The following GLRA2 variants were observed in gnomAD, a reference collection of about 807,000 sequenced individuals.
The protein encoded by GLRA2 is glycine receptor alpha 2.
GLRA2 carries 11 observed loss-of-function variants against 31.6 expected under a neutral mutation model. That is an observed-to-expected ratio of 0.35 (90% CI 0.22 to 0.58). The LOEUF (loss-of-function observed/expected upper bound fraction) is 0.58. GLRA2 is among the 20% of genes least tolerant of loss of function. GLRA2 has a pLI of 0.84. For missense variants in GLRA2, 212 were observed against 351.8 expected, an observed-to-expected ratio of 0.60 and a Z score of 3.18; for synonymous variants, 132 against 134.0, an observed-to-expected ratio of 0.99 and a Z score of 0.10.
intron 7 of GLRA2, among the ~76,000 whole-genome samples, chrX:14,674,501 A>G (rs1313940442): frequency 9.0e-6 from 1 of 111,389 alleles, no homozygotes; most frequent in East Asian, 2.8e-4. Flanking sequence ...CAATCTGCCA[A>G]ATGAGTGTTA....
At chrX:14,521,622 A>G in the GLRA2 span, among the ~76,000 whole-genome samples, 1 of 111,586 alleles carries the variant, frequency 9.0e-6, no homozygotes, top group African/African-American at 3.3e-5. Flanking sequence ...CTTAGTCTCC[A>G]TAAGTGCATG....
intron 8 of GLRA2, among the ~76,000 whole-genome samples, chrX:14,704,193 T>C (rs1197210983): frequency 8.9e-6 from 1 of 112,402 alleles, no homozygotes; most frequent in Non-Finnish European, 1.9e-5. Flanking sequence ...AAAATATTTC[T>C]GTGCTGCTGA....
intron 4 of GLRA2, among the ~76,000 whole-genome samples, chrX:14,582,209 C>A (rs1233478852): frequency 1.7e-5 from 1 of 59,672 alleles, no homozygotes; most frequent in Admixed American, 1.4e-4. Context: ...CCAATGCTAT[C>A]CCTCCCCCTC....
intron 4 of GLRA2, among the ~76,000 whole-genome samples, chrX:14,588,741 C>T (rs964409340): frequency 9.0e-6 from 1 of 111,598 alleles, no homozygotes; most frequent in Non-Finnish European, 1.9e-5. Flanking sequence ...TTAGTTGTGT[C>T]GTCTCTGATT....
intron 7 of GLRA2, among the ~76,000 whole-genome samples, chrX:14,611,051 C>T (rs2090391697): frequency 8.9e-6 from 1 of 112,275 alleles, no homozygotes; most frequent in Admixed American, 9.4e-5. Context: ...TTTTCTTATG[C>T]TGTTATTAAA....
chrX:14,557,156 C>T (rs1455373748), intron 2 of GLRA2, among the ~76,000 whole-genome samples: 5 of 89,986 alleles, frequency 5.6e-5, no homozygotes, highest in Non-Finnish European at 6.4e-5. Context: ...CGCTCTGTCG[C>T]CCAGGCTGGA....
At chrX:14,596,126 C>T (rs1192265048) in intron 4 of GLRA2, among the ~76,000 whole-genome samples, 3 of 110,819 alleles carry the variant, frequency 2.7e-5, no homozygotes, top group African/African-American at 9.8e-5. Context: ...TGTTGTGGTT[C>T]ATTCAATGCA....
At chrX:14,643,184 T>C (rs1048524332) in intron 7 of GLRA2, among the ~76,000 whole-genome samples, 2 of 111,559 alleles carry the variant, frequency 1.8e-5, no homozygotes, top group African/African-American at 6.5e-5. Context: ...ATAGGAATAA[T>C]AACCTTGGAA....
chrX:14,631,101 A>T (rs1332546844), intron 7 of GLRA2, among the ~76,000 whole-genome samples: 3 of 111,328 alleles, frequency 2.7e-5, no homozygotes, highest in Non-Finnish European at 5.7e-5. Context: ...AAAACATTCA[A>T]ATCATAGCAC....
chrX:14,714,167 G>A (rs945854628), intron 8 of GLRA2, among the ~76,000 whole-genome samples: 1 of 110,062 alleles, frequency 9.1e-6, no homozygotes, highest in Non-Finnish European at 1.9e-5. Context: ...TAGGTGTAGG[G>A]GAGGCTAGAA....
At chrX:14,690,595 TA>T in intron 7 of GLRA2, 114 bp from the exon 8 acceptor site, 1 of 491,100 alleles carries the variant, frequency 2.0e-6, no homozygotes, top group Non-Finnish European at 3.5e-6. Flanking sequence ...CCAAGGAAAT[TA>T]GGTTATTTTG....
the GLRA2 span, among the ~76,000 whole-genome samples, chrX:14,498,762 C>T: frequency 9.0e-6 from 1 of 111,107 alleles, no homozygotes; most frequent in African/African-American, 3.3e-5. Context: ...CTTCATTTCC[C>T]CCCACCCTGT....
chrX:14,649,632 T>C (rs1158423937), intron 7 of GLRA2, among the ~76,000 whole-genome samples: 1 of 112,021 alleles, frequency 8.9e-6, no homozygotes, highest in African/African-American at 3.2e-5. Flanking sequence ...TTTAAATTAA[T>C]TGTATTTTTA....
intron 7 of GLRA2, among the ~76,000 whole-genome samples, chrX:14,615,046 G>A (rs2090440531): frequency 8.9e-6 from 1 of 111,873 alleles, no homozygotes; most frequent in Admixed American, 9.5e-5. Context: ...TCCCTTTAGT[G>A]TAAGGCTTTA....
chrX:14,627,830 TA>T (rs2090605016), intron 7 of GLRA2, among the ~76,000 whole-genome samples: 2 of 112,067 alleles, frequency 1.8e-5, no homozygotes, highest in Non-Finnish European at 3.8e-5. Context: ...AAAGAGTTCT[TA>T]AAAAATGAAT....
chrX:14,483,008 C>G, the GLRA2 span, among the ~76,000 whole-genome samples: 1 of 111,518 alleles, frequency 9.0e-6, no homozygotes, highest in Non-Finnish European at 1.9e-5. Context: ...CTAAATGTTC[C>G]TGACTTGGTA....
chrX:14,657,109 T>G (rs923702742), intron 7 of GLRA2, among the ~76,000 whole-genome samples: 1 of 111,946 alleles, frequency 8.9e-6, no homozygotes. Context: ...AGGGTGGTTG[T>G]AGTAGCATTC....
chrX:14,512,252 G>T, the GLRA2 span, among the ~76,000 whole-genome samples: 1 of 111,171 alleles, frequency 9.0e-6, no homozygotes, highest in Admixed American at 9.6e-5. Context: ...AGCAAAACAA[G>T]CATAGAAGGG....
At position 14,624,209 on chromosome X, in the gene GLRA2, T is replaced by C. The variant is rs12689953; in HGVS notation, c.930+15004T>C. On this transcript the variant is annotated intron_variant, in intron 7 of 8. Coordinates refer to ENST00000218075, the MANE Select transcript of GLRA2 (RefSeq NM_002063.4). ...TCAGTGGTGATATCCCCTTTATCATTTTTTATTGCATCTATTTGATTCTTC... is the reference window on the plus strand; with the variant it reads ...TCAGTGGTGATATCCCCTTTATCATCTTTTATTGCATCTATTTGATTCTTC... Among the ~76,000 whole-genome samples, 493 of 111,850 alleles carry C rather than the reference T, an allele frequency of 4.4e-3. 13 individuals carry two copies. The East Asian group carries it at 0.11, about 24-fold the overall frequency.
Sources: gnomAD v4.1 joint callset for allele counts (sites outside exome capture counted in the v4.1 genomes callset) on GRCh38, gnomAD v4.1.1 for gene constraint, MANE v1.5 for transcripts, NCBI Gene and HGNC (gene_info 2026-07-23, HGNC 2026-07-21) for gene names.